The following CCDC171 variants were observed in gnomAD, a reference collection of about 807,000 sequenced individuals.
CCDC171 encodes coiled-coil domain-containing protein 171.
In CCDC171, 177 loss-of-function variants were observed where a neutral mutation model predicts 168.2. That is an observed-to-expected ratio of 1.05 (90% CI 0.93 to 1.19). The LOEUF is 1.19. Ranked by LOEUF, CCDC171 falls within the 50% of genes most tolerant of loss-of-function variation. CCDC171 has a pLI of 0.00. For synonymous variants in CCDC171, 687 were observed against 540.8 expected, an observed-to-expected ratio of 1.27 and a Z score of -3.75; for missense variants, 1,991 against 1,539.0, an observed-to-expected ratio of 1.29 and a Z score of -4.91.
At chr9:15,700,750 A>G (rs1487572119) in intron 11 of CCDC171, among the ~76,000 whole-genome samples, 1 of 152,066 alleles carries the variant, frequency 6.6e-6, no homozygotes, top group African/African-American at 2.4e-5. Flanking sequence ...CCTCCTGAGT[A>G]GCTGGGACTG....
chr9:15,865,348 T>C lies in CCDC171; in HGVS notation c.3469-9184T>C, dbSNP rs77361825. On this transcript the variant is annotated intron_variant, in intron 23 of 25. Transcript: ENST00000380701. ...ATATACATACATACATACATATATA[T>C]ACACACACACATATATATATGTATA... Among the ~76,000 whole-genome samples the C allele has an allele frequency of 7.4e-4, 112 of 150,638 alleles. 3 individuals are homozygous for C. Among genetic ancestry groups the C allele is most frequent in the East Asian group, 3.5e-3 (18 of 5,080 alleles).
At chr9:15,789,478 T>C (rs1380263552) in intron 21 of CCDC171, among the ~76,000 whole-genome samples, 1 of 152,180 alleles carries the variant, frequency 6.6e-6, no homozygotes, top group African/African-American at 2.4e-5. Context: ...TAGTATTCCA[T>C]TGTTTTAAGC....
intron 25 of CCDC171, among the ~76,000 whole-genome samples, chr9:15,933,515 T>C (rs890870294): frequency 6.6e-6 from 1 of 152,040 alleles, no homozygotes; most frequent in African/African-American, 2.4e-5. Context: ...TTAAAAATTA[T>C]TTCCATCCTT....
At chr9:16,096,849 C>T in the CCDC171 span, among the ~76,000 whole-genome samples, 1 of 152,144 alleles carries the variant, frequency 6.6e-6, no homozygotes, top group Admixed American at 6.5e-5. Context: ...GTAGATAGTA[C>T]TTTTGTTAAG....
intron 16 of CCDC171, among the ~76,000 whole-genome samples, chr9:15,735,458 TA>T (rs1388926066): frequency 6.6e-6 from 1 of 152,354 alleles, no homozygotes; most frequent in East Asian, 1.9e-4. Flanking sequence ...GTCAGTTAAT[TA>T]AGGGTTACCC....
intron 6 of CCDC171, among the ~76,000 whole-genome samples, chr9:15,615,302 C>G (rs2044000581): frequency 6.6e-6 from 1 of 152,092 alleles, no homozygotes; most frequent in African/African-American, 2.4e-5. Flanking sequence ...AGTATCTCTA[C>G]TCTTGAGTAG....
At chr9:15,701,277 T>G (rs905025042) in intron 11 of CCDC171, among the ~76,000 whole-genome samples, 6 of 152,240 alleles carry the variant, frequency 3.9e-5, no homozygotes, top group African/African-American at 1.4e-4. Context: ...TTGTTTTTGT[T>G]GCCTGTGCTT....
At chr9:15,672,037 C>T (rs555538483) in intron 9 of CCDC171, among the ~76,000 whole-genome samples, 1 of 152,304 alleles carries the variant, frequency 6.6e-6, no homozygotes, top group Non-Finnish European at 1.5e-5. Context: ...TTAATGATCG[C>T]CATTCTAACT....
At chr9:16,058,992 T>G (rs571913545) in intron 1 of CCDC171, among the ~76,000 whole-genome samples, 2 of 152,294 alleles carry the variant, frequency 1.3e-5, no homozygotes, top group African/African-American at 2.4e-5. Context: ...TGCATTCCTG[T>G]CCTCCCTTCC....
intron 11 of CCDC171, among the ~76,000 whole-genome samples, chr9:15,701,530 G>A (rs2051734858): frequency 6.7e-6 from 1 of 149,014 alleles, no homozygotes; most frequent in Non-Finnish European, 1.5e-5. Context: ...AGAATTCTCT[G>A]TACCATGCCA....
rs1055262133 is a variant in CCDC171 at position 15,999,288 on chromosome 9, A to C, written n.369-21301A>C. ...AGAGAAAGAAAGAAAGAAAGGAGGGAGGGAGGGAAGGAAGGAAGGAAAAAG... is the reference window on the plus strand; with the variant it reads ...AGAGAAAGAAAGAAAGAAAGGAGGGCGGGAGGGAAGGAAGGAAGGAAAAAG... On this transcript the variant is annotated intron_variant and non_coding_transcript_variant, in intron 3 of 9. Coordinates refer to the CCDC171 transcript ENST00000486641. Among the ~76,000 whole-genome samples the C allele has an allele frequency of 7.1e-4, 107 of 149,772 alleles. 1 individual carries two copies. The highest frequency in any genetic ancestry group is 2.4e-3 in the African/African-American group (98 of 40,820).
chr9:15,861,303 C>T (rs947469725), intron 23 of CCDC171, among the ~76,000 whole-genome samples: 3 of 150,454 alleles, frequency 2.0e-5, no homozygotes, highest in Admixed American at 6.6e-5. Context: ...AACCTATTTA[C>T]GTTTGAAGTA....
At chr9:15,910,310 TATAAC>T (rs1823431853) in intron 24 of CCDC171, among the ~76,000 whole-genome samples, 1 of 152,198 alleles carries the variant, frequency 6.6e-6, no homozygotes, top group South Asian at 2.1e-4. Context: ...GTTTTTTTGT[TATAAC>T]AATAGGGTAT....
chr9:15,889,656 C>T (rs903073700), intron 24 of CCDC171, among the ~76,000 whole-genome samples: 1 of 152,202 alleles, frequency 6.6e-6, no homozygotes, highest in African/African-American at 2.4e-5. Context: ...CAGTAGGAAT[C>T]CTCTGAGGCA....
At chr9:15,626,608 G>A (rs559851375) in intron 7 of CCDC171, among the ~76,000 whole-genome samples, 5 of 152,228 alleles carry the variant, frequency 3.3e-5, no homozygotes, top group South Asian at 2.1e-4. Flanking sequence ...TTATATGATG[G>A]ATTACGTTTA....
intron 3 of CCDC171, among the ~76,000 whole-genome samples, chr9:16,013,790 T>C (rs1034590806): frequency 2.0e-5 from 3 of 152,248 alleles, no homozygotes; most frequent in Non-Finnish European, 4.4e-5. Flanking sequence ...AAGTACACTA[T>C]ATTGTAGTCT....
At chr9:15,862,122 C>G (rs1201560341) in intron 23 of CCDC171, among the ~76,000 whole-genome samples, 1 of 151,676 alleles carries the variant, frequency 6.6e-6, no homozygotes, top group Non-Finnish European at 1.5e-5. Context: ...TAGGGATTCC[C>G]TTGTTTGTAA....
intron 3 of CCDC171, among the ~76,000 whole-genome samples, chr9:16,006,287 C>G (rs147669248): frequency 7.0e-4 from 107 of 152,272 alleles, no homozygotes; most frequent in African/African-American, 2.5e-3. Context: ...TTTTATTGTA[C>G]TCATCCTAGT....
intron 14 of CCDC171, among the ~76,000 whole-genome samples, chr9:15,726,645 C>G (rs1181920621): frequency 1.3e-5 from 2 of 151,924 alleles, no homozygotes; most frequent in Non-Finnish European, 2.9e-5. Context: ...AAAAAGGTGG[C>G]ATACATAGTG....
Sources: gnomAD v4.1 joint callset for allele counts (sites outside exome capture counted in the v4.1 genomes callset) on GRCh38, gnomAD v4.1.1 for gene constraint, MANE v1.5 for transcripts, NCBI Gene and HGNC (gene_info 2026-07-23, HGNC 2026-07-21) for gene names.